The following TMEM132C variants were observed in gnomAD, a reference collection of about 807,000 sequenced individuals.
TMEM132C encodes the protein transmembrane protein 132C, also known as protein phosphatase 1, regulatory subunit 152.
TMEM132C carries 29 observed loss-of-function variants against 61.4 expected under a neutral mutation model. That is an observed-to-expected ratio of 0.47 (90% confidence interval 0.35 to 0.64). The LOEUF is 0.64. Among genes scored for constraint, TMEM132C ranks in the 30% least tolerant of loss-of-function variants. The pLI is 0.00. For synonymous variants in TMEM132C, 656 were observed against 633.1 expected, an observed-to-expected ratio of 1.04 and a Z score of -0.54; for missense variants, 1,408 against 1,476.9, an observed-to-expected ratio of 0.95 and a Z score of 0.76.
chr12:128,565,400 T>C (rs1874661241), intron 3 of TMEM132C, among the ~76,000 whole-genome samples: 1 of 152,266 alleles, frequency 6.6e-6, no homozygotes, highest in Non-Finnish European at 1.5e-5. Context: ...AAATGTGAGT[T>C]GTTTTAAACC....
intron 1 of TMEM132C, among the ~76,000 whole-genome samples, chr12:128,304,343 G>A (rs111515653): frequency 4.9e-4 from 73 of 149,804 alleles, no homozygotes; most frequent in South Asian, 4.3e-4. Flanking sequence ...CAGGCTGGGC[G>A]TGGTGGCTCA....
At chr12:128,365,363 C>T (rs1565913826) in intron 1 of TMEM132C, among the ~76,000 whole-genome samples, 1 of 152,134 alleles carries the variant, frequency 6.6e-6, no homozygotes, top group Non-Finnish European at 1.5e-5. Flanking sequence ...AGCTCTTACC[C>T]GTTGCTGCTG....
chr12:128,682,030 G>C (rs1954639570), intron 5 of TMEM132C, among the ~76,000 whole-genome samples: 1 of 152,018 alleles, frequency 6.6e-6, no homozygotes. Context: ...GTGTGGCCTG[G>C]CTTGAATCAA....
chr12:128,420,906 T>G (rs537323866), intron 2 of TMEM132C, among the ~76,000 whole-genome samples: 1 of 152,170 alleles, frequency 6.6e-6, no homozygotes, highest in African/African-American at 2.4e-5. Context: ...GGAAAAAATA[T>G]TCAAGAAGCG....
chr12:128,307,122 T>G (rs1302917935), intron 1 of TMEM132C, among the ~76,000 whole-genome samples: 1 of 152,098 alleles, frequency 6.6e-6, no homozygotes, highest in Non-Finnish European at 1.5e-5. Context: ...TTTCCCAGGG[T>G]TGGTTCACAC....
chr12:128,543,947 A>G lies in TMEM132C; in HGVS notation c.975-10A>G, dbSNP rs1372170395. On this transcript the variant is annotated splice_polypyrimidine_tract_variant and intron_variant, in intron 2 of 8. Coordinates refer to ENST00000435159, the MANE Select transcript of TMEM132C (RefSeq NM_001136103.3). ...CTGTCTCTCTCTCTCTCCCATCTTC[A>G]TCCCCACAGAGCCAAGGTGAAGAAG... is the stretch of plus-strand genomic sequence containing the variant. The G allele has an allele frequency of 3.2e-6, 5 of 1,542,758 alleles. No homozygotes were observed. The highest frequency in any genetic ancestry group is 4.4e-6 in the Non-Finnish European group (5 of 1,143,210).
intron 6 of TMEM132C, among the ~76,000 whole-genome samples, chr12:128,694,959 G>A (rs984371096): frequency 6.6e-6 from 1 of 152,202 alleles, no homozygotes; most frequent in African/African-American, 2.4e-5. Context: ...CTGTGCCTTA[G>A]TTTCCTCATC....
intron 1 of TMEM132C, among the ~76,000 whole-genome samples, chr12:128,332,270 T>G (rs1872683624): frequency 6.6e-6 from 1 of 152,150 alleles, no homozygotes; most frequent in African/African-American, 2.4e-5. Context: ...TGGAGAAAGG[T>G]GATTTGTTTG....
intron 5 of TMEM132C, 145 bp from the exon 6 acceptor site, chr12:128,693,684 C>A: frequency 1.1e-6 from 1 of 902,098 alleles, no homozygotes; most frequent in Non-Finnish European, 1.7e-6. Context: ...AAACTGAGTG[C>A]ACCAAATCCT....
At chr12:128,659,757 C>T (rs1042447019) in intron 4 of TMEM132C, among the ~76,000 whole-genome samples, 5 of 151,886 alleles carry the variant, frequency 3.3e-5, no homozygotes, top group South Asian at 2.1e-4. Flanking sequence ...TAAGAGTCAG[C>T]GATGTCAGAA....
At chr12:128,307,886 C>G (rs962058654) in intron 1 of TMEM132C, among the ~76,000 whole-genome samples, 2 of 152,200 alleles carry the variant, frequency 1.3e-5, no homozygotes, top group African/African-American at 4.8e-5. Flanking sequence ...TGGGCCAACA[C>G]CCTGCTTTAC....
At chr12:128,419,409 A>G (rs931089068) in intron 2 of TMEM132C, among the ~76,000 whole-genome samples, 11 of 152,188 alleles carry the variant, frequency 7.2e-5, no homozygotes, top group Non-Finnish European at 1.3e-4. Flanking sequence ...GTGTTGGCTC[A>G]CAGCTGTGTA....
At chr12:128,580,343 C>A (rs1256193243) in intron 3 of TMEM132C, among the ~76,000 whole-genome samples, 1 of 152,108 alleles carries the variant, frequency 6.6e-6, no homozygotes, top group African/African-American at 2.4e-5. Flanking sequence ...ATGGCATGAA[C>A]CTGGGAGGTG....
intron 2 of TMEM132C, among the ~76,000 whole-genome samples, chr12:128,497,965 G>C (rs992084185): frequency 6.6e-6 from 1 of 152,040 alleles, no homozygotes; most frequent in Non-Finnish European, 1.5e-5. Flanking sequence ...GGCCATCTTG[G>C]AACCACCCCC....
At chr12:128,578,652 C>T (rs982264091) in intron 3 of TMEM132C, among the ~76,000 whole-genome samples, 3 of 152,096 alleles carry the variant, frequency 2.0e-5, no homozygotes, top group Non-Finnish European at 2.9e-5. Flanking sequence ...GACTGGAGTG[C>T]GGTGGCATGA....
At chr12:128,679,117 C>T (rs1954615058) in intron 5 of TMEM132C, among the ~76,000 whole-genome samples, 1 of 152,184 alleles carries the variant, frequency 6.6e-6, no homozygotes, top group Non-Finnish European at 1.5e-5. Flanking sequence ...ACACGCCTGG[C>T]ACATATTAAG....
At position 128,326,754 on chromosome 12, in the gene TMEM132C, G is replaced by GTAGCTGGGACTAC. The variant is rs1565902082; in HGVS notation, c.85+59267_85+59268insTAGCTGGGACTAC. On this transcript the variant is annotated intron_variant, in intron 1 of 8. Coordinates refer to ENST00000435159, the MANE Select transcript of TMEM132C (RefSeq NM_001136103.3). The surrounding 1 kb of genome is among the most constrained non-coding windows in gnomAD (Gnocchi z 5.6). ...GGCAGAGAAGTTTCGAGATTCATCA[G>GTAGCTGGGACTAC]ATGTCTTTATGGCTCCCACATCTCG... Among the ~76,000 whole-genome samples, 5 of 150,506 alleles carry GTAGCTGGGACTAC rather than the reference G, an allele frequency of 3.3e-5. No individual in the cohort carries two copies. Among genetic ancestry groups the GTAGCTGGGACTAC allele is most frequent in the African/African-American group, 1.3e-4 (5 of 39,810 alleles).
At chr12:128,467,817 A>G (rs1313606034) in intron 2 of TMEM132C, among the ~76,000 whole-genome samples, 2 of 152,216 alleles carry the variant, frequency 1.3e-5, no homozygotes, top group Non-Finnish European at 2.9e-5. Context: ...AGGCACAAGC[A>G]TCTGTCCATC....
At chr12:128,484,136 TTA>T (rs1177459570) in intron 2 of TMEM132C, among the ~76,000 whole-genome samples, 2 of 152,194 alleles carry the variant, frequency 1.3e-5, no homozygotes, top group Non-Finnish European at 2.9e-5. Context: ...AGAGCTGTTG[TTA>T]TATGTTTGCC....
Sources: gnomAD v4.1 joint callset for allele counts (sites outside exome capture counted in the v4.1 genomes callset) on GRCh38, gnomAD v4.1.1 for gene constraint, Gnocchi (gnomAD v3.1) non-coding constraint, MANE v1.5 for transcripts, NCBI Gene and HGNC (gene_info 2026-07-23, HGNC 2026-07-21) for gene names.